The following SBNO1 variants were observed in gnomAD, a reference collection of about 807,000 sequenced individuals.
The protein encoded by SBNO1 is strawberry notch homolog 1.
In SBNO1, 23 loss-of-function variants were observed where a neutral mutation model predicts 173.6. The ratio of observed to expected loss-of-function variants is 0.13; its 90% CI spans 0.10 to 0.19. SBNO1 has a LOEUF of 0.19. SBNO1 is among the 10% of genes least tolerant of loss of function. The probability of loss-of-function intolerance (pLI) is 1.00; values close to 1 mark genes in which losing one functional copy is unlikely to be tolerated. For missense variants in SBNO1, 1,238 were observed against 1,671.2 expected, an observed-to-expected ratio of 0.74 and a Z score of 4.52; for synonymous variants, 632 against 571.5, an observed-to-expected ratio of 1.11 and a Z score of -1.51.
chr12:123,357,506 G>A (rs1317264575), intron 1 of SBNO1, among the ~76,000 whole-genome samples: 6 of 151,980 alleles, frequency 3.9e-5, no homozygotes, highest in Non-Finnish European at 7.4e-5. Flanking sequence ...ACTTTGGTAG[G>A]CTGAGGCAGG....
chr12:123,315,472 G>C, intron 22 of SBNO1, 28 bp from the exon 23 acceptor site: 1 of 1,598,682 alleles, frequency 6.3e-7, no homozygotes, highest in South Asian at 1.1e-5. Context: ...TTCAATCAAG[G>C]CACAGGTAAC....
At position 123,295,902 on chromosome 12, in the gene SBNO1, T is replaced by C; in HGVS notation, c.*6A>G. 6.2e-7 allele frequency: 1 copy of C among 1,613,328 alleles called. No homozygotes were observed. The highest frequency in any genetic ancestry group is 1.1e-5 in the South Asian group (1 of 91,000). ...AGATCCATCCATGTTGAAACCTGTCTGTTCTTCATGCGTTGCTCAAGTTGG... is the reference window on the plus strand; with the variant it reads ...AGATCCATCCATGTTGAAACCTGTCCGTTCTTCATGCGTTGCTCAAGTTGG... On this transcript the variant is annotated 3_prime_UTR_variant, in exon 32 of 32. Transcript: ENST00000602398.
intron 1 of SBNO1, chr12:123,364,485 G>C (rs953425647): frequency 2.0e-6 from 2 of 983,842 alleles, no homozygotes; most frequent in Non-Finnish European, 2.4e-6. Flanking sequence ...CTGACGAACA[G>C]AGGAAGCGAG....
rs193080991 is a variant in SBNO1 at position 123,364,522 on chromosome 12, G to A, written c.-1+179C>T. On this transcript the variant is annotated intron_variant, in intron 1 of 31. Coordinates refer to ENST00000602398, the MANE Select transcript of SBNO1 (RefSeq NM_001167856.3). The stretch of plus-strand genomic sequence containing the variant: ...ACAACGGAGCCGCCGTCGGGAACAT[G>A]CCCCCGAGGGCCCCGGAGCGCGCGG... The A allele has an allele frequency of 2.3e-3, 2,294 of 983,680 alleles. 41 individuals are homozygous for A. In the African/African-American group the frequency reaches 0.036, roughly 16 times the overall value. 60.9% of individuals were successfully genotyped at this position (983,680 alleles called of 1,614,324 possible).
intron 6 of SBNO1, among the ~76,000 whole-genome samples, 169 bp downstream of exon 6, chr12:123,336,226 C>T (rs1201477683): frequency 6.6e-6 from 1 of 152,028 alleles, no homozygotes; most frequent in African/African-American, 2.4e-5. Context: ...ATAATCACTA[C>T]TCCTATGAAC....
chr12:123,303,925 T>TTC (rs1566022709), intron 29 of SBNO1, among the ~76,000 whole-genome samples: 1 of 116,256 alleles, frequency 8.6e-6, no homozygotes, highest in Non-Finnish European at 1.9e-5. Flanking sequence ...AAGTATTCTT[T>TTC]TTTTTTTTTT....
chr12:123,342,364 T>C (rs958942552), intron 4 of SBNO1, among the ~76,000 whole-genome samples: 2 of 151,724 alleles, frequency 1.3e-5, no homozygotes, highest in East Asian at 1.9e-4. Context: ...GGCAGGAGAA[T>C]GGCATGAAAA....
At chr12:123,311,154 C>T (rs1278823764) in intron 24 of SBNO1, 25 bp from the exon 25 acceptor site, 2 of 1,563,190 alleles carry the variant, frequency 1.3e-6, no homozygotes, top group Middle Eastern at 1.7e-4. Context: ...TCAATTCTGA[C>T]TCATAAATTA....
At chr12:123,327,395 T>A (rs560688693) in intron 13 of SBNO1, 31 bp downstream of exon 13, 2 of 1,580,764 alleles carry the variant, frequency 1.3e-6, no homozygotes, top group South Asian at 2.3e-5. Flanking sequence ...ATACATTAAA[T>A]AAACACTAGG....
Position 123,315,678 on chromosome 12 carries a change from T to C in SBNO1, c.2936-18A>G, listed in dbSNP as rs562159288. 1 of 1,423,972 alleles carries C rather than the reference T, an allele frequency of 7.0e-7. No individual in the cohort carries two copies. Among genetic ancestry groups the C allele is most frequent in the South Asian group, 1.1e-5 (1 of 87,124 alleles). The allele number at this position is 1,423,972 out of a possible 1,614,324, so 88.2% of individuals were successfully genotyped here. On this transcript the variant is annotated intron_variant, in intron 21 of 31. Transcript: ENST00000602398. ...AGTACGTCCTGCAACGAAATTTTGT[T>C]TTAAAGATCATTGATTGTGTTCGCT...
At position 123,339,389 on chromosome 12, in the gene SBNO1, G is replaced by A. The variant is rs1051799143; in HGVS notation, c.651+1599C>T. The stretch of plus-strand genomic sequence containing the variant: ...TCTTTTGCCTACTCCTACTCATCCC[G>A]AATCTGTCTTCCCTACCCCTTTACT... On this transcript the variant is annotated intron_variant, in intron 5 of 31. Coordinates refer to ENST00000602398, the MANE Select transcript of SBNO1 (RefSeq NM_001167856.3). Among the ~76,000 whole-genome samples, 5 of 151,468 alleles carry A rather than the reference G, an allele frequency of 3.3e-5. No homozygotes were observed. In the East Asian group the frequency reaches 5.8e-4, roughly 18 times the overall value.
At chr12:123,330,354 T>C in intron 9 of SBNO1, 65 bp downstream of exon 9, 1 of 959,452 alleles carries the variant, frequency 1.0e-6, no homozygotes, top group Non-Finnish European at 1.6e-6. Context: ...ATAGCTATTA[T>C]TATTGTCATC....
intron 1 of SBNO1, among the ~76,000 whole-genome samples, chr12:123,360,652 C>T (rs979740593): frequency 6.6e-6 from 1 of 151,906 alleles, no homozygotes; most frequent in Non-Finnish European, 1.5e-5. Context: ...ATCGTGTTAG[C>T]CAGGATGGTA....
intron 2 of SBNO1, among the ~76,000 whole-genome samples, chr12:123,348,774 CAAAT>C (rs948911124): frequency 1.3e-5 from 2 of 151,058 alleles, no homozygotes; most frequent in East Asian, 2.0e-4. Flanking sequence ...TCAAAAAAAA[CAAAT>C]AAATAAAACA....
intron 1 of SBNO1, among the ~76,000 whole-genome samples, chr12:123,355,016 CCT>C (rs1429743788): frequency 7.2e-5 from 11 of 152,044 alleles, no homozygotes; most frequent in East Asian, 5.8e-4. Flanking sequence ...AAAGGGAGAC[CCT>C]GTTTCTTTTT....
chr12:123,307,041 A>AAAAAAAAAAAAAAAAAAAAC (rs2048934255), intron 28 of SBNO1, among the ~76,000 whole-genome samples: 1 of 149,768 alleles, frequency 6.7e-6, no homozygotes, highest in African/African-American at 2.5e-5. Context: ...AAAAAAAAAA[A>AAAAAAAAAAAAAAAAAAAAC]AGCCAAATGT....
At chr12:123,308,122 C>T (rs959306289) in intron 28 of SBNO1, among the ~76,000 whole-genome samples, 2 of 151,844 alleles carry the variant, frequency 1.3e-5, no homozygotes, top group African/African-American at 2.4e-5. Context: ...AGAGAACTGG[C>T]GAAATAAAAT....
chr12:123,359,946 A>G (rs1173613291), intron 1 of SBNO1, among the ~76,000 whole-genome samples: 1 of 152,166 alleles, frequency 6.6e-6, no homozygotes, highest in Non-Finnish European at 1.5e-5. Flanking sequence ...AATTACTCTT[A>G]AAAATTATCT....
chr12:123,363,669 ATTTG>A (rs1385902798), intron 1 of SBNO1, among the ~76,000 whole-genome samples: 1 of 152,020 alleles, frequency 6.6e-6, no homozygotes, highest in Non-Finnish European at 1.5e-5. Flanking sequence ...ACGTTGCTTT[ATTTG>A]TCTCTCATTT....
Sources: allele counts gnomAD v4.1 joint callset (sites outside exome capture counted in the v4.1 genomes callset), GRCh38; gene constraint gnomAD v4.1.1; transcripts MANE v1.5; gene names NCBI Gene and HGNC (gene_info 2026-07-23, HGNC 2026-07-21).